ARHGAP21: variants seen among roughly 807,000 people sequenced by gnomAD.
ARHGAP21 encodes the protein rho GTPase-activating protein 21.
ARHGAP21 carries 38 observed loss-of-function variants against 164.6 expected under a neutral mutation model. The ratio of observed to expected loss-of-function variants is 0.23; its 90% confidence interval spans 0.18 to 0.30. ARHGAP21 has a LOEUF of 0.30. Among genes scored for constraint, ARHGAP21 ranks in the 10% least tolerant of loss-of-function variants. The probability of loss-of-function intolerance (pLI) is 1.00; values close to 1 mark genes in which losing one functional copy is unlikely to be tolerated. For synonymous variants in ARHGAP21, 766 were observed against 857.9 expected (o/e 0.89, Z 1.87); for missense variants, 1,822 against 2,370.7 (o/e 0.77, Z 4.81).
chr10:24,681,054 A>G (rs1841712976), intron 2 of ARHGAP21, among the ~76,000 whole-genome samples: 2 of 152,360 alleles, frequency 1.3e-5, no homozygotes, highest in East Asian at 1.9e-4. Context: ...AAAATTAGAT[A>G]TAACAACTAG....
At chr10:24,709,721 A>C (rs1844583118) in intron 2 of ARHGAP21, among the ~76,000 whole-genome samples, 1 of 151,206 alleles carries the variant, frequency 6.6e-6, no homozygotes, top group African/African-American at 2.4e-5. Context: ...GCTGGGTGAC[A>C]GAGCAAAACC....
chr10:24,595,284 T>C (rs563755486), intron 19 of ARHGAP21, 94 bp from the exon 20 acceptor site: 181 of 1,017,090 alleles, frequency 1.8e-4, no homozygotes, highest in Non-Finnish European at 2.5e-4. Context: ...AACCACAACA[T>C]AGGAAAGAGT....
intron 4 of ARHGAP21, among the ~76,000 whole-genome samples, chr10:24,653,376 C>A (rs542759321): frequency 6.6e-6 from 1 of 152,060 alleles, no homozygotes; most frequent in Non-Finnish European, 1.5e-5. Flanking sequence ...AAATCGAGAC[C>A]ATCCTGGCTA....
At chr10:24,607,938 AC>A in intron 9 of ARHGAP21, 35 bp from the exon 10 acceptor site, 1 of 1,548,648 alleles carries the variant, frequency 6.5e-7, no homozygotes, top group South Asian at 1.2e-5. Flanking sequence ...ATGTTCAATG[AC>A]CTAATTGTTA....
rs916250379 is a variant in ARHGAP21 at position 24,721,856 on chromosome 10, T to C, written c.44A>G (p.Asp15Gly). ...RRTGLSEGDG[D>G]KLKACEVSKN... ...GCTTACCTCGCAGGCCTTGAGCTTGTCACCATCTCCCTCAGACAGACCAGT... is the reference window on the plus strand; with the variant it reads ...GCTTACCTCGCAGGCCTTGAGCTTGCCACCATCTCCCTCAGACAGACCAGT... The change falls in exon 2 of 26, where the codon GAC (aspartate) becomes GGC (glycine). Residue 15 changes from aspartate to glycine, a missense_variant. By Grantham distance (94) the Asp-to-Gly change is moderately conservative. Coordinates refer to ENST00000396432, the MANE Select transcript of ARHGAP21 (RefSeq NM_020824.4). The C allele has an allele frequency of 1.9e-6, 3 of 1,614,128 alleles. No homozygotes were observed. The African/African-American group carries it at 4.0e-5, about 22-fold the overall frequency.
intron 4 of ARHGAP21, 39 bp downstream of exon 4, chr10:24,666,945 GA>G: frequency 1.4e-6 from 2 of 1,395,088 alleles, no homozygotes; most frequent in Middle Eastern, 1.9e-4. Flanking sequence ...GAAATGGGTA[GA>G]AAAACATTCA....
chr10:24,703,295 T>G (rs1159616268), intron 2 of ARHGAP21, among the ~76,000 whole-genome samples: 1 of 152,214 alleles, frequency 6.6e-6, no homozygotes, highest in Non-Finnish European at 1.5e-5. Flanking sequence ...CTCTTTACTT[T>G]TAATGTAAAT....
At chr10:24,603,995 T>G (rs2076920539) in intron 12 of ARHGAP21, among the ~76,000 whole-genome samples, 1 of 151,088 alleles carries the variant, frequency 6.6e-6, no homozygotes, top group African/African-American at 2.4e-5. Context: ...TGTCTAATAG[T>G]TTCTATGTTT....
chr10:24,592,837 A>G (rs2076396415), intron 21 of ARHGAP21, among the ~76,000 whole-genome samples: 1 of 152,166 alleles, frequency 6.6e-6, no homozygotes, highest in South Asian at 2.1e-4. Flanking sequence ...TTTTCCCTCT[A>G]GTACATCAAA....
chr10:24,666,099 G>A (rs900876128), intron 4 of ARHGAP21, among the ~76,000 whole-genome samples: 36 of 152,108 alleles, frequency 2.4e-4, no homozygotes, highest in African/African-American at 8.7e-4. Flanking sequence ...GAGCGATCTC[G>A]GCTCACTGCA....
intron 4 of ARHGAP21, among the ~76,000 whole-genome samples, chr10:24,635,347 C>T (rs556498501): frequency 8.5e-5 from 13 of 152,210 alleles, no homozygotes; most frequent in African/African-American, 2.6e-4. Flanking sequence ...GGCTACATTC[C>T]GTATGTCAGT....
rs754060877 is a variant in ARHGAP21 at position 24,620,540 on chromosome 10, T to C, written c.1355A>G (p.Gln452Arg). ...TSHDRVPQSV[Q>R]IRQRSVSQER... ...TTGGGACACACTGCGTTGCCGTATC[T>C]GGACAGACTGGGGCACTCGATCATG... Residue 452 changes from glutamine (Q) to arginine (R), a missense_variant, in exon 9 of 26, where the codon CAG (glutamine) becomes CGG (arginine). Physicochemically the swap from Gln to Arg is conservative, Grantham distance 43. Coordinates refer to ENST00000396432, the MANE Select transcript of ARHGAP21 (RefSeq NM_020824.4). 1.1e-5 allele frequency: 17 copies of C among 1,613,580 alleles called. No individual in the cohort carries two copies. Among genetic ancestry groups the C allele is most frequent in the Non-Finnish European group, 1.4e-5 (17 of 1,179,814 alleles).
chr10:24,689,880 A>G (rs945700362), intron 2 of ARHGAP21, among the ~76,000 whole-genome samples: 10 of 146,252 alleles, frequency 6.8e-5, no homozygotes, highest in Admixed American at 4.8e-4. Context: ...ATATACATGT[A>G]TATATGTATA....
At chr10:24,648,935 C>T (rs939269524) in intron 4 of ARHGAP21, 2 of 850,808 alleles carry the variant, frequency 2.4e-6, no homozygotes, top group Non-Finnish European at 2.8e-6. Context: ...CCCACCTGTC[C>T]ACTAGAGAAA....
intron 2 of ARHGAP21, among the ~76,000 whole-genome samples, chr10:24,674,540 G>GC (rs939082060): frequency 1.3e-4 from 19 of 151,714 alleles, no homozygotes; most frequent in Admixed American, 8.5e-4. Context: ...AAACAAATTA[G>GC]CCAGGTGTGG....
At chr10:24,660,144 TA>T (rs1181077362) in intron 4 of ARHGAP21, among the ~76,000 whole-genome samples, 1 of 152,012 alleles carries the variant, frequency 6.6e-6, no homozygotes. Context: ...TAACCAGCAT[TA>T]AAAGTTCATA....
At chr10:24,623,619 A>T (rs1413001345) in intron 7 of ARHGAP21, among the ~76,000 whole-genome samples, 1 of 152,196 alleles carries the variant, frequency 6.6e-6, no homozygotes, top group Non-Finnish European at 1.5e-5. Context: ...TTGTGTCTGG[A>T]TGAGAGAATA....
In ARHGAP21 at chr10:24,675,519, GC is replaced by G. The variant is rs1841129933; in HGVS notation, c.64-5123del. 2.0e-5 allele frequency among the ~76,000 whole-genome samples: 3 copies of G among 152,192 alleles called. No individual in the cohort carries two copies. In the South Asian group the frequency reaches 6.2e-4, roughly 32 times the overall value. Reference sequence around the variant, plus strand: ...GTGATGTTTTCACTGGTGCATACTTGCGTATAAACTTACCGAACTGTACAGT... The same window carrying G: ...GTGATGTTTTCACTGGTGCATACTTGGTATAAACTTACCGAACTGTACAGT... On this transcript the variant is annotated intron_variant, in intron 2 of 25. Coordinates refer to ENST00000396432, the MANE Select transcript of ARHGAP21 (RefSeq NM_020824.4).
At chr10:24,715,881 C>T (rs576295537) in intron 2 of ARHGAP21, among the ~76,000 whole-genome samples, 5 of 152,210 alleles carry the variant, frequency 3.3e-5, no homozygotes, top group East Asian at 1.9e-4. Context: ...TGCTGGCACA[C>T]GCCTGTAATC....
Sources: gnomAD v4.1 joint callset for allele counts (sites outside exome capture counted in the v4.1 genomes callset) on GRCh38, gnomAD v4.1.1 for gene constraint, MANE v1.5 for transcripts, NCBI Gene and HGNC (gene_info 2026-07-23, HGNC 2026-07-21) for gene names.